The following AGAP1 variants were observed in gnomAD, a reference collection of about 807,000 sequenced individuals.
AGAP1 encodes ArfGAP with GTPase domain, ankyrin repeat and PH domain 1.
Under a neutral mutation model 105.3 loss-of-function variants are expected in AGAP1, and 29 were observed. The observed-to-expected ratio is 0.28, with a 90% CI of 0.21 to 0.38. The LOEUF (loss-of-function observed/expected upper bound fraction) is 0.38. AGAP1 is among the 10% of genes least tolerant of loss of function. AGAP1 has a pLI of 1.00. For missense variants in AGAP1, 998 were observed against 1,165.1 expected, an observed-to-expected ratio of 0.86 and a Z score of 2.09; for synonymous variants, 509 against 485.9, an observed-to-expected ratio of 1.05 and a Z score of -0.63.
At chr2:236,102,417 CAA>C (rs34989933) in intron 16 of AGAP1, among the ~76,000 whole-genome samples, 9 of 66,240 alleles carry the variant, frequency 1.4e-4, no homozygotes, top group South Asian at 5.8e-4. Context: ...GACTCCATCT[CAA>C]AAAAAAAAAA....
rs2055724786 is a variant in AGAP1 at position 235,994,878 on chromosome 2, A to G, written c.1645+26255A>G. Among the ~76,000 whole-genome samples the G allele has an allele frequency of 6.6e-6, 1 of 151,442 alleles. No homozygotes were observed. Among genetic ancestry groups the G allele is most frequent in the Admixed American group, 6.6e-5 (1 of 15,210 alleles). On this transcript the variant is annotated intron_variant, in intron 13 of 17. Transcript: ENST00000304032. The surrounding 1 kb of genome is among the most constrained non-coding windows in gnomAD (Gnocchi z 4.4). ...TCAGGAGTTTGAGACCAGCCTGGAC[A>G]AAATAGTGAAACCCCATCTGTACTA...
At chr2:235,531,803 G>A (rs181192827) in intron 1 of AGAP1, among the ~76,000 whole-genome samples, 2 of 151,794 alleles carry the variant, frequency 1.3e-5, no homozygotes, top group Admixed American at 6.6e-5. Flanking sequence ...TAGAGACGGG[G>A]GTTTCACTGT....
At chr2:235,836,531 G>A (rs1031184694) in intron 9 of AGAP1, among the ~76,000 whole-genome samples, 11 of 152,240 alleles carry the variant, frequency 7.2e-5, no homozygotes, top group African/African-American at 2.7e-4. Context: ...TGATATCGAA[G>A]TCAGTGTCTC....
chr2:235,658,576 C>T, intron 1 of AGAP1, among the ~76,000 whole-genome samples: 1 of 152,160 alleles, frequency 6.6e-6, no homozygotes, highest in East Asian at 1.9e-4. Context: ...GGGGCACGTG[C>T]CCAGCAGGGG....
At chr2:235,847,596 TAAG>T (rs776061084) in intron 9 of AGAP1, among the ~76,000 whole-genome samples, 8 of 152,234 alleles carry the variant, frequency 5.3e-5, no homozygotes, top group Admixed American at 3.3e-4. Context: ...TTTTATCAAA[TAAG>T]AAACATTTTT....
At chr2:235,731,952 T>G (rs901856627) in intron 3 of AGAP1, among the ~76,000 whole-genome samples, 1 of 151,984 alleles carries the variant, frequency 6.6e-6, no homozygotes, top group Non-Finnish European at 1.5e-5. Context: ...AGGGAAGAAA[T>G]GGAAGGGGCA....
At chr2:235,806,652 T>G (rs897115897) in intron 8 of AGAP1, among the ~76,000 whole-genome samples, 3 of 151,910 alleles carry the variant, frequency 2.0e-5, no homozygotes, top group Admixed American at 6.6e-5. Flanking sequence ...TTATCAGGGG[T>G]TTTTTTTCCC....
chr2:235,860,707 AG>A (rs2048892678), intron 9 of AGAP1, among the ~76,000 whole-genome samples: 1 of 152,222 alleles, frequency 6.6e-6, no homozygotes, highest in Non-Finnish European at 1.5e-5. Flanking sequence ...TTAATAGTGA[AG>A]TAAATTAATC....
chr2:235,609,038 G>T lies in AGAP1; in HGVS notation c.164-100141G>T, dbSNP rs1946042132. Among the ~76,000 whole-genome samples the T allele has an allele frequency of 6.6e-6, 1 of 152,144 alleles. No homozygotes were observed. Among genetic ancestry groups the T allele is most frequent in the Admixed American group, 6.5e-5 (1 of 15,276 alleles). On this transcript the variant is annotated intron_variant, in intron 1 of 17. Coordinates refer to ENST00000304032, the MANE Select transcript of AGAP1 (RefSeq NM_001037131.3). This position sits in a 1 kb window ranked among gnomAD's most constrained non-coding sequence, Gnocchi z 5.1. Reference sequence around the variant, plus strand: ...GCTAAGGAGGGAGGAAGGAGGCAGTGGTAAGTTCTGCATAGAAATGATTTT... The same window carrying T: ...GCTAAGGAGGGAGGAAGGAGGCAGTTGTAAGTTCTGCATAGAAATGATTTT...
intron 9 of AGAP1, among the ~76,000 whole-genome samples, chr2:235,831,460 C>T (rs944307323): frequency 1.3e-5 from 2 of 152,222 alleles, no homozygotes; most frequent in African/African-American, 2.4e-5. Context: ...CCTAAAAATC[C>T]TGTGGTCCAC....
At chr2:236,094,197 A>G (rs777760530) in intron 16 of AGAP1, among the ~76,000 whole-genome samples, 4 of 152,064 alleles carry the variant, frequency 2.6e-5, no homozygotes, top group Admixed American at 2.0e-4. Context: ...GCACACAACC[A>G]TAGTCCCAGC....
chr2:235,681,503 A>T (rs1274347164), intron 1 of AGAP1, among the ~76,000 whole-genome samples: 1 of 152,170 alleles, frequency 6.6e-6, no homozygotes, highest in African/African-American at 2.4e-5. Context: ...AACACAGCCG[A>T]CAGGTGGACA....
intron 1 of AGAP1, among the ~76,000 whole-genome samples, chr2:235,498,375 C>T (rs922035833): frequency 7.2e-5 from 11 of 151,736 alleles, no homozygotes; most frequent in African/African-American, 2.7e-4. Flanking sequence ...TTTATCTGAT[C>T]AGGTTTCTGG....
chr2:235,989,181 T>C lies in AGAP1; in HGVS notation c.1645+20558T>C, dbSNP rs185462495. 3.9e-5 allele frequency among the ~76,000 whole-genome samples: 6 copies of C among 152,334 alleles called. No homozygotes were observed. In the East Asian group the frequency reaches 1.2e-3, roughly 29 times the overall value. On this transcript the variant is annotated intron_variant, in intron 13 of 17. Coordinates refer to ENST00000304032, the MANE Select transcript of AGAP1 (RefSeq NM_001037131.3). This position sits in a 1 kb window ranked among gnomAD's most constrained non-coding sequence, Gnocchi z 4.4. ...AATACCAGGTCTTAACAGCTTGTTG[T>C]CTGTGGTGTCTTCCTTCTTCCCTGG...
intron 15 of AGAP1, among the ~76,000 whole-genome samples, chr2:236,047,594 A>ATTT (rs2057759642): frequency 2.2e-5 from 2 of 92,482 alleles, no homozygotes; most frequent in African/African-American, 1.0e-4. Context: ...CTCTTCTCAC[A>ATTT]TTTCTTTTTT....
intron 13 of AGAP1, among the ~76,000 whole-genome samples, chr2:235,999,175 A>C (rs1434430241): frequency 4.3e-5 from 3 of 69,798 alleles, no homozygotes; most frequent in African/African-American, 1.9e-4. Flanking sequence ...TGATGATGAT[A>C]ATGGTGATGG....
intron 16 of AGAP1, among the ~76,000 whole-genome samples, chr2:236,097,957 T>G (rs2059236236): frequency 6.6e-6 from 1 of 152,228 alleles, no homozygotes; most frequent in South Asian, 2.1e-4. Flanking sequence ...CAGAGTGTCC[T>G]CAAGGCTCAT....
In AGAP1 at chr2:235,994,353, A is replaced by G. The variant is rs1465240053; in HGVS notation, c.1645+25730A>G. Reference sequence around the variant, plus strand: ...GTTCCCTGTCATTTTCGTGCTGTGCAATAGTTGATGAAGATAACATAGTTT... The same window carrying G: ...GTTCCCTGTCATTTTCGTGCTGTGCGATAGTTGATGAAGATAACATAGTTT... On this transcript the variant is annotated intron_variant, in intron 13 of 17. Coordinates refer to ENST00000304032, the MANE Select transcript of AGAP1 (RefSeq NM_001037131.3). The surrounding 1 kb of genome is among the most constrained non-coding windows in gnomAD (Gnocchi z 4.4). Among the ~76,000 whole-genome samples the G allele has an allele frequency of 2.6e-5, 4 of 152,228 alleles. No individual in the cohort carries two copies. The highest frequency in any genetic ancestry group is 2.9e-5 in the Non-Finnish European group (2 of 68,038).
At position 235,900,068 on chromosome 2, in the gene AGAP1, A is replaced by C. The variant is rs1466016970; in HGVS notation, c.1156-8670A>C. 6.6e-6 allele frequency among the ~76,000 whole-genome samples: 1 copy of C among 152,232 alleles called. No individual in the cohort carries two copies. The highest frequency in any genetic ancestry group is 1.5e-5 in the Non-Finnish European group (1 of 68,048). ...GCCTCCGCAGCACATGAAGCAGAGA[A>C]GTCTGCTTTTGCCATCATGTAGGGA... is the stretch of plus-strand genomic sequence containing the variant. On this transcript the variant is annotated intron_variant, in intron 10 of 17. Coordinates refer to ENST00000304032, the MANE Select transcript of AGAP1 (RefSeq NM_001037131.3). This position sits in a 1 kb window ranked among gnomAD's most constrained non-coding sequence, Gnocchi z 5.5.
Sources: gnomAD v4.1 joint callset for allele counts (sites outside exome capture counted in the v4.1 genomes callset) on GRCh38, gnomAD v4.1.1 for gene constraint, Gnocchi (gnomAD v3.1) non-coding constraint, MANE v1.5 for transcripts, NCBI Gene and HGNC (gene_info 2026-07-23, HGNC 2026-07-21) for gene names.